CSMD1: variants seen among roughly 807,000 people sequenced by gnomAD.
CSMD1 encodes the protein CUB and Sushi multiple domains 1, also known as CUB and sushi domain-containing protein 1.
In CSMD1, 213 loss-of-function variants were observed where a neutral mutation model predicts 417.5. The ratio of observed to expected loss-of-function variants is 0.51; its 90% CI spans 0.46 to 0.57. The LOEUF is 0.57. Ranked by LOEUF, CSMD1 falls within the 20% of genes least tolerant of loss-of-function variation. CSMD1 has a pLI of 0.00. For missense variants in CSMD1, 6,923 were observed against 4,529.7 expected (o/e 1.53, Z -15.17); for synonymous variants, 2,862 against 1,736.8 (o/e 1.65, Z -16.11).
At chr8:4,105,672 A>T (rs886138498) in intron 3 of CSMD1, among the ~76,000 whole-genome samples, 1 of 152,234 alleles carries the variant, frequency 6.6e-6, no homozygotes, top group Non-Finnish European at 1.5e-5. Context: ...CCCCATTAGC[A>T]GGTTTACCTG....
chr8:4,462,851 A>G (rs1799920173), intron 2 of CSMD1, among the ~76,000 whole-genome samples: 2 of 152,156 alleles, frequency 1.3e-5, no homozygotes, highest in Admixed American at 1.3e-4. Flanking sequence ...TAAGAAGTGC[A>G]GCTCAAACTC....
chr8:4,647,276 G>A (rs1418909901), intron 1 of CSMD1, among the ~76,000 whole-genome samples: 2 of 151,120 alleles, frequency 1.3e-5, no homozygotes, highest in Admixed American at 6.6e-5. Flanking sequence ...AAAAAATCCG[G>A]GATACATGTG....
intron 7 of CSMD1, among the ~76,000 whole-genome samples, chr8:3,677,083 A>C (rs905565913): frequency 6.6e-6 from 1 of 152,152 alleles, no homozygotes; most frequent in Non-Finnish European, 1.5e-5. Context: ...CATTGGGTAG[A>C]TAGGTGCAAC....
intron 1 of CSMD1, among the ~76,000 whole-genome samples, chr8:4,722,918 A>G (rs1809155114): frequency 6.6e-6 from 1 of 152,188 alleles, no homozygotes; most frequent in Admixed American, 6.6e-5. Flanking sequence ...TATTTTCTAT[A>G]TCCAGCTGAT....
At chr8:3,755,618 G>A (rs866839813) in intron 5 of CSMD1, among the ~76,000 whole-genome samples, 1 of 152,120 alleles carries the variant, frequency 6.6e-6, no homozygotes, top group Admixed American at 6.5e-5. Context: ...CACCTGTGTA[G>A]AGAGCATTTC....
Position 3,712,293 on chromosome 8 carries a change from T to G in CSMD1, c.932-3802A>C, listed in dbSNP as rs143022938. On this transcript the variant is annotated intron_variant, in intron 6 of 69. Transcript: ENST00000635120. ...ACGTTTTTTGGGTTCTCCTCTTTTCTTCCTTCCACACCCTTCCCTCGCCTC... is the reference window on the plus strand; with the variant it reads ...ACGTTTTTTGGGTTCTCCTCTTTTCGTCCTTCCACACCCTTCCCTCGCCTC... Among the ~76,000 whole-genome samples the G allele has an allele frequency of 4.6e-3, 702 of 152,182 alleles. 4 individuals carry two copies. The highest frequency in any genetic ancestry group is 0.014 in the Middle Eastern group (4 of 294).
rs1563388912 is a variant in CSMD1 at position 4,789,151 on chromosome 8, C to CACTGAA, written c.86-151594_86-151593insTTCAGT. Among the ~76,000 whole-genome samples, 8 of 152,220 alleles carry CACTGAA rather than the reference C, an allele frequency of 5.3e-5. No individual in the cohort carries two copies. The South Asian group carries it at 1.2e-3, about 24-fold the overall frequency. ...GTAAGAGTTCACTGAAAATGAAATA[C>CACTGAA]AATGTTGTATGTTCAGATGAATGCT... On this transcript the variant is annotated intron_variant, in intron 1 of 69. Transcript: ENST00000635120.
At chr8:3,192,723 T>A (rs1796496415) in intron 33 of CSMD1, among the ~76,000 whole-genome samples, 1 of 152,174 alleles carries the variant, frequency 6.6e-6, no homozygotes, top group Non-Finnish European at 1.5e-5. Context: ...TTGACTGCAT[T>A]TTCTATTGTG....
chr8:4,313,634 A>C (rs1390837534), intron 3 of CSMD1, among the ~76,000 whole-genome samples: 2 of 152,168 alleles, frequency 1.3e-5, no homozygotes, highest in African/African-American at 2.4e-5. Context: ...TGCCATTTAA[A>C]CATCAACACA....
At chr8:3,618,873 G>C (rs1249890201) in intron 7 of CSMD1, among the ~76,000 whole-genome samples, 1 of 152,160 alleles carries the variant, frequency 6.6e-6, no homozygotes, top group African/African-American at 2.4e-5. Context: ...TCCTCTCTAG[G>C]TATGAAGAAG....
intron 5 of CSMD1, among the ~76,000 whole-genome samples, chr8:3,789,722 G>C (rs573130592): frequency 1.2e-3 from 166 of 134,364 alleles, no homozygotes; most frequent in African/African-American, 4.6e-3. Flanking sequence ...AATGATCATG[G>C]TTAATTTTTT....
chr8:3,261,580 C>T (rs542543723), intron 26 of CSMD1, among the ~76,000 whole-genome samples: 1 of 152,116 alleles, frequency 6.6e-6, no homozygotes, highest in African/African-American at 2.4e-5. Flanking sequence ...ATAGGAGTCC[C>T]AATCTGGAAA....
intron 10 of CSMD1, among the ~76,000 whole-genome samples, chr8:3,509,350 G>C (rs1031615878): frequency 1.3e-5 from 2 of 152,124 alleles, no homozygotes; most frequent in Non-Finnish European, 2.9e-5. Context: ...TGTTTCTTTA[G>C]CCAAGTCAAC....
At position 3,977,684 on chromosome 8, in the gene CSMD1, T is replaced by C. The variant is rs138004818; in HGVS notation, c.818+20219A>G. On this transcript the variant is annotated intron_variant, in intron 5 of 69. Transcript: ENST00000635120. ...TTTCTGCTCATAAGAATGTGGTAAATCACCAACTTTCTCTTTCTGTCATAG... is the reference window on the plus strand; with the variant it reads ...TTTCTGCTCATAAGAATGTGGTAAACCACCAACTTTCTCTTTCTGTCATAG... Among the ~76,000 whole-genome samples, 88 of 152,330 alleles carry C rather than the reference T, an allele frequency of 5.8e-4. 1 individual carries two copies. The East Asian group carries it at 0.014, about 24-fold the overall frequency.
chr8:4,244,247 A>G (rs1316097862), intron 3 of CSMD1, among the ~76,000 whole-genome samples: 1 of 152,192 alleles, frequency 6.6e-6, no homozygotes, highest in Non-Finnish European at 1.5e-5. Context: ...GAAACGTTCC[A>G]CAGAGCACAG....
intron 6 of CSMD1, among the ~76,000 whole-genome samples, chr8:3,747,342 C>T (rs1272225452): frequency 6.6e-6 from 1 of 152,056 alleles, no homozygotes; most frequent in Admixed American, 6.6e-5. Flanking sequence ...AACAATCCAT[C>T]ATTTTCTTTG....
Position 4,324,477 on chromosome 8 carries a change from T to C in CSMD1, c.415+95476A>G, listed in dbSNP as rs187628049. On this transcript the variant is annotated intron_variant, in intron 3 of 69. Transcript: ENST00000635120. Reference sequence around the variant, plus strand: ...AGCAAACCAAGCTTCTTTTCTGAAATCTTCTTGGAAGCAGATGAAGTGCAC... The same window carrying C: ...AGCAAACCAAGCTTCTTTTCTGAAACCTTCTTGGAAGCAGATGAAGTGCAC... Among the ~76,000 whole-genome samples the C allele has an allele frequency of 3.8e-3, 575 of 152,258 alleles. 4 individuals carry two copies. The highest frequency in any genetic ancestry group is 0.013 in the African/African-American group (556 of 41,560).
intron 5 of CSMD1, among the ~76,000 whole-genome samples, chr8:3,959,317 CA>C (rs1331035035): frequency 6.6e-6 from 1 of 151,952 alleles, no homozygotes; most frequent in Non-Finnish European, 1.5e-5. Context: ...GGCAACATGG[CA>C]AAAAACCCTG....
At chr8:3,588,984 C>T (rs1040543956) in intron 8 of CSMD1, among the ~76,000 whole-genome samples, 2 of 151,986 alleles carry the variant, frequency 1.3e-5, no homozygotes, top group African/African-American at 2.4e-5. Context: ...AAAGGTGCTC[C>T]GTGTCACTAA....
Sources: allele counts gnomAD v4.1 joint callset (sites outside exome capture counted in the v4.1 genomes callset), GRCh38; gene constraint gnomAD v4.1.1; transcripts MANE v1.5; gene names NCBI Gene and HGNC (gene_info 2026-07-23, HGNC 2026-07-21).